Variants in CORO2B observed in about 807,000 individuals in gnomAD.
CORO2B encodes the protein coronin 2B.
In CORO2B, 26 loss-of-function variants were observed where a neutral mutation model predicts 58.8. The observed-to-expected ratio is 0.44, with a 90% CI of 0.32 to 0.61. CORO2B has a LOEUF of 0.61. CORO2B is among the 20% of genes least tolerant of loss of function. The probability of loss-of-function intolerance (pLI) is 0.04; values close to 1 mark genes in which losing one functional copy is unlikely to be tolerated. For missense variants in CORO2B, 460 were observed against 645.1 expected (o/e 0.71, Z 3.11); for synonymous variants, 242 against 253.8 (o/e 0.95, Z 0.44).
chr15:68,580,519 T>G (rs1466660085), intron 1 of CORO2B, among the ~76,000 whole-genome samples: 3 of 152,116 alleles, frequency 2.0e-5, no homozygotes, highest in Non-Finnish European at 4.4e-5. Flanking sequence ...TGCGGATTCT[T>G]GGGCCCAACT....
intron 1 of CORO2B, among the ~76,000 whole-genome samples, chr15:68,622,765 G>A (rs1054916267): frequency 2.6e-5 from 4 of 152,164 alleles, no homozygotes; most frequent in African/African-American, 7.2e-5. Context: ...GCAGACACAG[G>A]CTCTGTCCTC....
chr15:68,549,915 T>G, the CORO2B span, among the ~76,000 whole-genome samples: 138,008 of 151,676 alleles, frequency 0.91, 63,368 homozygotes, highest in East Asian at 1. Flanking sequence ...CGCTCCAGCC[T>G]GGGCAACAGA....
Position 68,702,407 on chromosome 15 carries a change from A to T in CORO2B, c.333+7151A>T, listed in dbSNP as rs376906596. On this transcript the variant is annotated intron_variant, in intron 3 of 11. Transcript: ENST00000261861. ...GGACTCACAGCAGTAGATGCTCAAC[A>T]ATGCTTCCTTCTGGGTCCTCAGTTC... is the stretch of plus-strand genomic sequence containing the variant. 1.4e-4 allele frequency among the ~76,000 whole-genome samples: 21 copies of T among 152,156 alleles called. No individual in the cohort carries two copies. The East Asian group carries it at 1.7e-3, about 13-fold the overall frequency.
intron 2 of CORO2B, among the ~76,000 whole-genome samples, chr15:68,691,603 C>A (rs79400351): frequency 0.36 from 1,938 of 5,432 alleles, 485 homozygotes; most frequent in East Asian, 1. Flanking sequence ...CCAGCCTGGG[C>A]GACAGAGCGA....
chr15:68,672,658 T>A (rs530050866), intron 2 of CORO2B, among the ~76,000 whole-genome samples: 1 of 152,310 alleles, frequency 6.6e-6, no homozygotes, highest in African/African-American at 2.4e-5. Flanking sequence ...AGTGATACAG[T>A]GGCTCAGCTT....
chr15:68,602,864 A>T lies in CORO2B; in HGVS notation c.15+23587A>T, dbSNP rs1900018332. Among the ~76,000 whole-genome samples the T allele has an allele frequency of 2.0e-5, 3 of 152,206 alleles. No homozygotes were observed. In the South Asian group the frequency reaches 6.2e-4, roughly 32 times the overall value. ...AAGCCTGTTTCCTGGGAAAAGAGGGACTGCCTGTACGAATCTTGCAAGCAC... is the reference window on the plus strand; with the variant it reads ...AAGCCTGTTTCCTGGGAAAAGAGGGTCTGCCTGTACGAATCTTGCAAGCAC... On this transcript the variant is annotated intron_variant, in intron 1 of 11. Coordinates refer to ENST00000261861, the MANE Select transcript of CORO2B (RefSeq NM_006091.5).
chr15:68,684,085 T>C (rs541890523), intron 2 of CORO2B, among the ~76,000 whole-genome samples: 1 of 152,022 alleles, frequency 6.6e-6, no homozygotes, highest in Non-Finnish European at 1.5e-5. Context: ...GAGAGAGAAC[T>C]GAAAAGAGCA....
intron 1 of CORO2B, chr15:68,641,439 G>A: frequency 1.3e-6 from 1 of 766,414 alleles, no homozygotes; most frequent in Non-Finnish European, 1.6e-6. Flanking sequence ...GGGGATTTGG[G>A]GGAGAGAGGA....
At chr15:68,612,549 G>C (rs1291186655) in intron 1 of CORO2B, among the ~76,000 whole-genome samples, 1 of 152,154 alleles carries the variant, frequency 6.6e-6, no homozygotes, top group African/African-American at 2.4e-5. Flanking sequence ...GAGGTTGTTT[G>C]GTAAGATTTT....
At chr15:68,595,273 C>T (rs1169457944) in intron 1 of CORO2B, among the ~76,000 whole-genome samples, 1 of 152,210 alleles carries the variant, frequency 6.6e-6, no homozygotes, top group African/African-American at 2.4e-5. Context: ...CTCTTTCCTC[C>T]TCCAGCTAAG....
the CORO2B span, among the ~76,000 whole-genome samples, chr15:68,545,818 A>G: frequency 6.6e-6 from 1 of 152,218 alleles, no homozygotes; most frequent in East Asian, 1.9e-4. Flanking sequence ...AGGAGCTGCC[A>G]TCAGGTGGGG....
chr15:68,520,852 C>G, the CORO2B span, among the ~76,000 whole-genome samples: 10 of 152,256 alleles, frequency 6.6e-5, no homozygotes, highest in South Asian at 2.1e-3. Context: ...TTGAGACTAG[C>G]CTGGCCAACA....
rs567893372 is a variant in CORO2B at position 68,639,815 on chromosome 15, T to C, written c.16-5345T>C. On this transcript the variant is annotated intron_variant, in intron 1 of 11. Coordinates refer to ENST00000261861, the MANE Select transcript of CORO2B (RefSeq NM_006091.5). ...TCTTGAAAACCAATCTCAAAACCAA[T>C]ATGTCCCAGTCTTGCGCCTTGTGCT... Among the ~76,000 whole-genome samples the C allele has an allele frequency of 5.3e-5, 8 of 152,304 alleles. No individual in the cohort carries two copies. In the South Asian group the frequency reaches 1.7e-3, roughly 32 times the overall value.
At chr15:68,553,216 G>A in the CORO2B span, among the ~76,000 whole-genome samples, 10 of 152,332 alleles carry the variant, frequency 6.6e-5, no homozygotes, top group Admixed American at 2.0e-4. Context: ...GCTGAATGAT[G>A]CTCTCAGCAA....
chr15:68,541,146 G>A, the CORO2B span, among the ~76,000 whole-genome samples: 6 of 152,082 alleles, frequency 3.9e-5, no homozygotes, highest in South Asian at 1.2e-3. Flanking sequence ...GAGGTGGGAG[G>A]GTGGCTTGAG....
At chr15:68,723,469 T>C (rs1893215649) in intron 11 of CORO2B, among the ~76,000 whole-genome samples, 1 of 151,512 alleles carries the variant, frequency 6.6e-6, no homozygotes, top group Non-Finnish European at 1.5e-5. Flanking sequence ...TTTTGTTTTG[T>C]TTTGAGATGG....
chr15:68,726,271 C>A lies in CORO2B; in HGVS notation c.*297C>A. On this transcript the variant is annotated 3_prime_UTR_variant, in exon 12 of 12. Transcript: ENST00000261861. The stretch of plus-strand genomic sequence containing the variant: ...AGACTCCCTGGGGTTGGCAGGGGCT[C>A]CATCTCAGTGGACCAGGAAGCAAGA... 2 of 370,438 alleles carry A rather than the reference C, an allele frequency of 5.4e-6. No homozygotes were observed. Among genetic ancestry groups the A allele is most frequent in the Non-Finnish European group, 9.8e-6 (2 of 203,228 alleles). 22.9% of individuals were successfully genotyped at this position (370,438 alleles called of 1,614,324 possible).
At chr15:68,592,854 A>G (rs1027317828) in intron 1 of CORO2B, among the ~76,000 whole-genome samples, 1 of 152,194 alleles carries the variant, frequency 6.6e-6, no homozygotes, top group African/African-American at 2.4e-5. Flanking sequence ...CCGGCTGCAA[A>G]TCACCTGGTG....
chr15:68,674,091 T>G (rs1316724838), intron 2 of CORO2B, among the ~76,000 whole-genome samples: 6 of 152,054 alleles, frequency 3.9e-5, no homozygotes, highest in Non-Finnish European at 7.4e-5. Context: ...GGAGAGAGGC[T>G]GCGTGTGTGT....
Sources: allele counts gnomAD v4.1 joint callset (sites outside exome capture counted in the v4.1 genomes callset), GRCh38; gene constraint gnomAD v4.1.1; transcripts MANE v1.5; gene names NCBI Gene and HGNC (gene_info 2026-07-23, HGNC 2026-07-21).